Variants in PREX1 observed in about 807,000 individuals in gnomAD.
PREX1 encodes phosphatidylinositol-3,4,5-trisphosphate dependent Rac exchange factor 1, also known as phosphatidylinositol 3,4,5-trisphosphate-dependent Rac exchanger 1 protein.
A neutral mutation model predicts 198.3 loss-of-function variants in PREX1; 41 were observed. The ratio of observed to expected loss-of-function variants is 0.21; its 90% CI spans 0.16 to 0.27. PREX1 has a LOEUF of 0.27. Ranked by LOEUF, PREX1 falls within the 10% of genes least tolerant of loss-of-function variation. The pLI is 1.00. For missense variants in PREX1, 1,620 were observed against 2,200.7 expected, an observed-to-expected ratio of 0.74 and a Z score of 5.28; for synonymous variants, 843 against 887.2, an observed-to-expected ratio of 0.95 and a Z score of 0.89.
the PREX1 span, among the ~76,000 whole-genome samples, chr20:48,859,211 G>A: frequency 1.3e-5 from 2 of 152,094 alleles, no homozygotes; most frequent in Non-Finnish European, 2.9e-5. Context: ...CAGTACTTTA[G>A]AATTTTAACT....
At chr20:48,787,682 C>G (rs559142952) in intron 1 of PREX1, among the ~76,000 whole-genome samples, 26 of 150,622 alleles carry the variant, frequency 1.7e-4, no homozygotes, top group African/African-American at 5.8e-4. Flanking sequence ...ATTTTATAAG[C>G]TGATCTGGAG....
At chr20:48,653,690 C>T (rs61392409) in intron 19 of PREX1, among the ~76,000 whole-genome samples, 193 bp from the exon 20 acceptor site, 122 of 152,328 alleles carry the variant, frequency 8.0e-4, no homozygotes, top group African/African-American at 2.9e-3. Context: ...GCAGAAGAAA[C>T]TAAGGTTCAG....
the PREX1 span, among the ~76,000 whole-genome samples, chr20:48,877,952 T>C: frequency 2.0e-5 from 3 of 152,028 alleles, no homozygotes; most frequent in African/African-American, 7.2e-5. Context: ...CTACTAAAAA[T>C]ACAAAAATTA....
chr20:48,857,124 G>A, the PREX1 span, among the ~76,000 whole-genome samples: 1 of 152,134 alleles, frequency 6.6e-6, no homozygotes, highest in Non-Finnish European at 1.5e-5. Flanking sequence ...TAGGCATGAG[G>A]CACGGTGCCC....
chr20:48,633,668 C>A (rs1172104008), intron 33 of PREX1, among the ~76,000 whole-genome samples: 1 of 152,112 alleles, frequency 6.6e-6, no homozygotes, highest in Non-Finnish European at 1.5e-5. Context: ...GGTCCAGGGG[C>A]CACGCTCTGA....
rs776400674 is a variant in PREX1, at chr20:48,679,323, G to A, written c.1589+37C>T. The A allele has an allele frequency of 3.8e-6, 6 of 1,579,312 alleles. No individual in the cohort carries two copies. The East Asian group carries it at 8.9e-5, about 24-fold the overall frequency. On this transcript the variant is annotated intron_variant, in intron 13 of 39. Coordinates refer to ENST00000371941, the MANE Select transcript of PREX1 (RefSeq NM_020820.4). Reference sequence around the variant, plus strand: ...CCCAAGGCCACACAGCTGAGAAGAGGTAGAGGTGAAATTGGAGCTTGGAAA... The same window carrying A: ...CCCAAGGCCACACAGCTGAGAAGAGATAGAGGTGAAATTGGAGCTTGGAAA...
intron 11 of PREX1, among the ~76,000 whole-genome samples, chr20:48,680,008 G>C (rs1439896336): frequency 6.6e-6 from 1 of 152,168 alleles, no homozygotes; most frequent in Non-Finnish European, 1.5e-5. Context: ...GAGACTCGCA[G>C]CTTGGGGTGG....
intron 3 of PREX1, among the ~76,000 whole-genome samples, chr20:48,742,155 C>A (rs1007131346): frequency 6.6e-6 from 1 of 152,164 alleles, no homozygotes; most frequent in African/African-American, 2.4e-5. Flanking sequence ...GGGAGCCCTG[C>A]TGAGGTGCAG....
chr20:48,690,476 G>A (rs969770210), intron 9 of PREX1, among the ~76,000 whole-genome samples: 2 of 151,890 alleles, frequency 1.3e-5, no homozygotes, highest in Non-Finnish European at 2.9e-5. Flanking sequence ...GTTGTTGCAC[G>A]CCCACCCCCA....
chr20:48,717,741 C>T (rs73150065), intron 5 of PREX1, among the ~76,000 whole-genome samples: 25,038 of 152,076 alleles, frequency 0.16, 2,281 homozygotes, highest in Middle Eastern at 0.29. Context: ...AAATAATGCT[C>T]GTGGGTTTTA....
intron 1 of PREX1, among the ~76,000 whole-genome samples, chr20:48,768,320 CA>C (rs2090218415): frequency 6.6e-6 from 1 of 152,178 alleles, no homozygotes; most frequent in African/African-American, 2.4e-5. Context: ...TGTTCTCACA[CA>C]ACAGAAAATG....
At chr20:48,656,734 T>G (rs1361468034) in intron 18 of PREX1, among the ~76,000 whole-genome samples, 1 of 152,158 alleles carries the variant, frequency 6.6e-6, no homozygotes, top group African/African-American at 2.4e-5. Flanking sequence ...ACAGGCTCAG[T>G]GTCTTACTTC....
intron 1 of PREX1, among the ~76,000 whole-genome samples, chr20:48,772,571 C>A (rs1389284086): frequency 6.6e-6 from 1 of 152,214 alleles, no homozygotes; most frequent in Non-Finnish European, 1.5e-5. Context: ...GCGGAACTTC[C>A]CACCACATCA....
chr20:48,801,339 G>A (rs539155280), intron 1 of PREX1, among the ~76,000 whole-genome samples: 6 of 152,248 alleles, frequency 3.9e-5, no homozygotes, highest in Admixed American at 6.5e-5. Flanking sequence ...CTGGCCAGTC[G>A]GGCTCTCCCT....
At chr20:48,876,484 T>C in the PREX1 span, among the ~76,000 whole-genome samples, 13 of 152,336 alleles carry the variant, frequency 8.5e-5, no homozygotes, top group Non-Finnish European at 1.6e-4. Flanking sequence ...TTTATCTTCC[T>C]GATTAATTGC....
chr20:48,681,747 T>C (rs1188549737), intron 10 of PREX1, among the ~76,000 whole-genome samples: 1 of 150,976 alleles, frequency 6.6e-6, no homozygotes, highest in Non-Finnish European at 1.5e-5. Flanking sequence ...CAGCAGCACA[T>C]GGGCAGGTAG....
chr20:48,754,806 GTGTCA>G (rs1201136501), intron 1 of PREX1, among the ~76,000 whole-genome samples: 1 of 152,062 alleles, frequency 6.6e-6, no homozygotes, highest in Middle Eastern at 3.2e-3. Flanking sequence ...CGGAAGCACA[GTGTCA>G]TGGAACAGCA....
At chr20:48,860,400 A>C in the PREX1 span, among the ~76,000 whole-genome samples, 1 of 152,230 alleles carries the variant, frequency 6.6e-6, no homozygotes, top group East Asian at 1.9e-4. Flanking sequence ...TTTAATGGGC[A>C]TGGAGTTCGG....
At chr20:48,836,524 A>T in the PREX1 span, among the ~76,000 whole-genome samples, 2 of 152,180 alleles carry the variant, frequency 1.3e-5, no homozygotes, top group Non-Finnish European at 2.9e-5. Flanking sequence ...AAATAGACAG[A>T]GGGCAAAGTC....
Sources: gnomAD v4.1 joint callset for allele counts (sites outside exome capture counted in the v4.1 genomes callset) on GRCh38, gnomAD v4.1.1 for gene constraint, MANE v1.5 for transcripts, NCBI Gene and HGNC (gene_info 2026-07-23, HGNC 2026-07-21) for gene names.